Variants in DLGAP4 observed in about 807,000 individuals in gnomAD.
DLGAP4 encodes the protein disks large-associated protein 4.
In DLGAP4, 18 loss-of-function variants were observed where a neutral mutation model predicts 86.9. That is an observed-to-expected ratio of 0.21 (90% CI 0.14 to 0.31). The LOEUF is 0.31. DLGAP4 is among the 10% of genes least tolerant of loss of function. The probability of loss-of-function intolerance (pLI) is 1.00; values close to 1 mark genes in which losing one functional copy is unlikely to be tolerated. For missense variants in DLGAP4, 1,085 were observed against 1,362.6 expected (o/e 0.80, Z 3.21); for synonymous variants, 548 against 574.3 (o/e 0.95, Z 0.65).
At chr20:36,494,603 A>G (rs977411271) in intron 7 of DLGAP4, among the ~76,000 whole-genome samples, 2 of 152,146 alleles carry the variant, frequency 1.3e-5, no homozygotes, top group African/African-American at 4.8e-5. Flanking sequence ...CCCCAGTTCC[A>G]CTTGTGTGTG....
chr20:36,497,379 A>C, intron 8 of DLGAP4: 1 of 1,193,898 alleles, frequency 8.4e-7, no homozygotes, highest in Non-Finnish European at 1.0e-6. Context: ...CTGTCTGTCC[A>C]CTCCACCCTT....
intron 1 of DLGAP4, among the ~76,000 whole-genome samples, chr20:36,360,372 T>C (rs1417539312): frequency 2.0e-5 from 3 of 152,114 alleles, no homozygotes; most frequent in Non-Finnish European, 4.4e-5. Context: ...TCTCTGTCAC[T>C]CCTCATCTTC....
At chr20:36,479,779 C>G (rs563168841) in intron 7 of DLGAP4, among the ~76,000 whole-genome samples, 1 of 151,970 alleles carries the variant, frequency 6.6e-6, no homozygotes, top group Admixed American at 6.6e-5. Context: ...AGTGCGGTGT[C>G]GAGGGGCTGG....
intron 8 of DLGAP4, chr20:36,497,409 T>C (rs1421960428): frequency 1.7e-6 from 2 of 1,143,740 alleles, no homozygotes; most frequent in Non-Finnish European, 2.2e-6. Flanking sequence ...AGCTGACCCG[T>C]GGGAGGCGGG....
intron 2 of DLGAP4, among the ~76,000 whole-genome samples, chr20:36,408,410 C>T (rs1234392855): frequency 1.3e-5 from 2 of 152,162 alleles, no homozygotes; most frequent in Non-Finnish European, 1.5e-5. Flanking sequence ...TATCCACCAG[C>T]TCCCCATCCG....
intron 9 of DLGAP4, among the ~76,000 whole-genome samples, chr20:36,499,991 G>A (rs1404286087): frequency 6.6e-6 from 1 of 152,204 alleles, no homozygotes; most frequent in Non-Finnish European, 1.5e-5. Context: ...GTCCTCGTGT[G>A]TGTGTGCGTG....
In DLGAP4 at chr20:36,356,673, T is replaced by C. The variant is rs2030339884; in HGVS notation, c.-303-10372T>C. 4.7e-5 allele frequency among the ~76,000 whole-genome samples: 7 copies of C among 148,336 alleles called. No homozygotes were observed. In the South Asian group the frequency reaches 1.5e-3, roughly 31 times the overall value. On this transcript the variant is annotated intron_variant, in intron 1 of 12. Coordinates refer to ENST00000339266, the MANE Select transcript of DLGAP4 (RefSeq NM_001365621.2). ...CTATGGCCTATGGGCAGCCTGTTTT[T>C]GTAAAAAAAAAAAAAAAAAAGTTAG...
At chr20:36,496,345 A>T (rs114739289) in intron 7 of DLGAP4, among the ~76,000 whole-genome samples, 2,764 of 151,826 alleles carry the variant, frequency 0.018, 83 homozygotes, top group African/African-American at 0.063. Context: ...TGTTGTCACC[A>T]CCTCCCCACG....
intron 6 of DLGAP4, among the ~76,000 whole-genome samples, chr20:36,443,398 A>G (rs1391601571): frequency 6.6e-6 from 1 of 151,986 alleles, no homozygotes; most frequent in Non-Finnish European, 1.5e-5. Flanking sequence ...CAGGAAAGGT[A>G]CTCTGAGATC....
intron 2 of DLGAP4, among the ~76,000 whole-genome samples, chr20:36,386,302 G>GGGGCCTT (rs1163616982): frequency 6.6e-6 from 1 of 151,990 alleles, no homozygotes; most frequent in African/African-American, 2.4e-5. Context: ...GATAGAAGTT[G>GGGGCCTT]GGGCCTTGAC....
Position 36,420,453 on chromosome 20 carries a change from G to A in DLGAP4, c.-72-11193G>A, listed in dbSNP as rs577661382. ...ACTCCAGGCAGCTGGATCAGGTAGG[G>A]CAAAAGCAGGAGCAAACCATCCATG... On this transcript the variant is annotated intron_variant, in intron 2 of 12. Transcript: ENST00000339266. Among the ~76,000 whole-genome samples the A allele has an allele frequency of 3.9e-5, 6 of 152,272 alleles. No individual in the cohort carries two copies. In the South Asian group the frequency reaches 1.2e-3, roughly 32 times the overall value.
intron 1 of DLGAP4, among the ~76,000 whole-genome samples, chr20:36,335,696 C>T (rs2065314730): frequency 6.6e-6 from 1 of 152,142 alleles, no homozygotes; most frequent in Non-Finnish European, 1.5e-5. Context: ...AGGTTTGACC[C>T]GTCTTTGCCT....
chr20:36,362,796 A>C (rs2030563513), intron 1 of DLGAP4, among the ~76,000 whole-genome samples: 1 of 152,170 alleles, frequency 6.6e-6, no homozygotes, highest in South Asian at 2.1e-4. Context: ...AAAACAGGAA[A>C]GCAGGCAGGG....
chr20:36,335,531 TCGAGACTGTGGGGATCAAG>T (rs1444299425), intron 1 of DLGAP4, among the ~76,000 whole-genome samples: 2 of 152,128 alleles, frequency 1.3e-5, no homozygotes, highest in Non-Finnish European at 2.9e-5. Flanking sequence ...ATTGTGACTG[TCGAGACTGTGGGGATCAAG>T]CGAGGCTGTG....
chr20:36,445,325 G>C (rs1444785484), intron 6 of DLGAP4, among the ~76,000 whole-genome samples: 1 of 152,048 alleles, frequency 6.6e-6, no homozygotes, highest in Non-Finnish European at 1.5e-5. Context: ...CCAATATGGT[G>C]AAACCCCGTC....
intron 10 of DLGAP4, among the ~76,000 whole-genome samples, chr20:36,503,853 T>G (rs754345093): frequency 2.6e-5 from 4 of 152,196 alleles, no homozygotes; most frequent in Non-Finnish European, 5.9e-5. Context: ...TTCATCCATG[T>G]TGTAGCATAT....
At chr20:36,401,950 G>A (rs1039251805) in intron 2 of DLGAP4, among the ~76,000 whole-genome samples, 1 of 152,244 alleles carries the variant, frequency 6.6e-6, no homozygotes, top group Non-Finnish European at 1.5e-5. Context: ...TGGCAAACCA[G>A]TGTGGCTGGA....
intron 10 of DLGAP4, among the ~76,000 whole-genome samples, chr20:36,523,117 C>T (rs1214929526): frequency 3.9e-5 from 6 of 152,202 alleles, no homozygotes. Context: ...GGGGGTCTCA[C>T]TCTGTCCCCC....
intron 2 of DLGAP4, among the ~76,000 whole-genome samples, chr20:36,426,030 A>G (rs1212772799): frequency 6.6e-6 from 1 of 152,222 alleles, no homozygotes; most frequent in Non-Finnish European, 1.5e-5. Flanking sequence ...TGTACTATAT[A>G]TGCAGGATGG....
Sources: gnomAD v4.1 joint callset for allele counts (sites outside exome capture counted in the v4.1 genomes callset) on GRCh38, gnomAD v4.1.1 for gene constraint, MANE v1.5 for transcripts, NCBI Gene and HGNC (gene_info 2026-07-23, HGNC 2026-07-21) for gene names.